The following LRBA variants were observed in gnomAD, a reference collection of about 807,000 sequenced individuals.
The protein encoded by LRBA is lipopolysaccharide-responsive and beige-like anchor protein.
Under a neutral mutation model 330.0 loss-of-function variants are expected in LRBA, and 176 were observed. That is an observed-to-expected ratio of 0.53 (90% CI 0.47 to 0.60). LRBA has a LOEUF of 0.60. LRBA is among the 20% of genes least tolerant of loss of function. The probability of loss-of-function intolerance (pLI) is 0.00; values close to 1 mark genes in which losing one functional copy is unlikely to be tolerated. For missense variants in LRBA, 3,259 were observed against 3,444.8 expected, an observed-to-expected ratio of 0.95 and a Z score of 1.35; for synonymous variants, 1,230 against 1,193.0, an observed-to-expected ratio of 1.03 and a Z score of -0.64.
At chr4:150,701,768 C>A (rs1785146911) in intron 36 of LRBA, among the ~76,000 whole-genome samples, 1 of 152,182 alleles carries the variant, frequency 6.6e-6, no homozygotes, top group Non-Finnish European at 1.5e-5. Flanking sequence ...CATTCTAATA[C>A]TTTGCTATCA....
chr4:150,655,232 C>T (rs1171681394), intron 37 of LRBA, among the ~76,000 whole-genome samples: 1 of 152,158 alleles, frequency 6.6e-6, no homozygotes, highest in Non-Finnish European at 1.5e-5. Context: ...TGCCCCTCCC[C>T]ATTCCTTAAA....
At chr4:150,561,166 A>G (rs1768284280) in intron 40 of LRBA, among the ~76,000 whole-genome samples, 1 of 152,202 alleles carries the variant, frequency 6.6e-6, no homozygotes, top group Non-Finnish European at 1.5e-5. Context: ...AATATGATAA[A>G]TACTAATTTA....
intron 40 of LRBA, among the ~76,000 whole-genome samples, chr4:150,549,948 G>C (rs1766376427): frequency 6.6e-6 from 1 of 152,156 alleles, no homozygotes; most frequent in Non-Finnish European, 1.5e-5. Context: ...CCTGGCCATA[G>C]GTTTCATAGT....
intron 48 of LRBA, among the ~76,000 whole-genome samples, chr4:150,347,984 T>C (rs888146079): frequency 1.3e-5 from 2 of 152,228 alleles, no homozygotes; most frequent in African/African-American, 4.8e-5. Context: ...AAATTTATAT[T>C]AATTAAAATT....
intron 34 of LRBA, among the ~76,000 whole-genome samples, chr4:150,782,720 A>G (rs1332429109): frequency 6.6e-6 from 1 of 152,196 alleles, no homozygotes; most frequent in Admixed American, 6.5e-5. Context: ...TTTTCCAAAT[A>G]AACTAACATT....
chr4:150,667,322 T>C (rs1157466899), intron 37 of LRBA, among the ~76,000 whole-genome samples: 2 of 151,966 alleles, frequency 1.3e-5, no homozygotes, highest in South Asian at 2.1e-4. Flanking sequence ...AGCATCCTTA[T>C]AAGAGGGAGG....
intron 33 of LRBA, among the ~76,000 whole-genome samples, chr4:150,803,770 G>T (rs1318377431): frequency 6.6e-6 from 1 of 152,046 alleles, no homozygotes; most frequent in Non-Finnish European, 1.5e-5. Context: ...CATCATCAAT[G>T]AATAGGCACT....
intron 2 of LRBA, among the ~76,000 whole-genome samples, chr4:150,974,541 C>A (rs1415812793): frequency 6.6e-6 from 1 of 152,120 alleles, no homozygotes. Context: ...TTTAGTTGTA[C>A]AACTAAACAA....
intron 37 of LRBA, among the ~76,000 whole-genome samples, chr4:150,622,913 G>A (rs1456893844): frequency 6.6e-6 from 1 of 152,024 alleles, no homozygotes; most frequent in Non-Finnish European, 1.5e-5. Context: ...TAGCCAGGAT[G>A]GTCTCGATCT....
chr4:150,428,200 T>C (rs1581277104), intron 46 of LRBA, among the ~76,000 whole-genome samples: 2 of 152,094 alleles, frequency 1.3e-5, no homozygotes, highest in East Asian at 3.8e-4. Flanking sequence ...TTGCATTCTA[T>C]TTACTTAACT....
intron 31 of LRBA, among the ~76,000 whole-genome samples, chr4:150,811,177 T>A (rs544890724): frequency 6.6e-6 from 1 of 152,352 alleles, no homozygotes; most frequent in South Asian, 2.1e-4. Context: ...AACTATATGA[T>A]CACTGAATCA....
intron 2 of LRBA, among the ~76,000 whole-genome samples, chr4:150,950,297 T>C (rs1237357045): frequency 6.6e-6 from 1 of 152,144 alleles, no homozygotes; most frequent in African/African-American, 2.4e-5. Context: ...TCATAGGATA[T>C]GAAAGAGATA....
chr4:150,565,410 G>C (rs886324552), intron 40 of LRBA, among the ~76,000 whole-genome samples: 2 of 152,080 alleles, frequency 1.3e-5, no homozygotes, highest in African/African-American at 4.8e-5. Context: ...TTAAAACCTA[G>C]GTGATGGGTT....
intron 40 of LRBA, among the ~76,000 whole-genome samples, chr4:150,519,237 T>A (rs1467624930): frequency 6.6e-6 from 1 of 152,064 alleles, no homozygotes; most frequent in African/African-American, 2.4e-5. Flanking sequence ...GTATAGAAAA[T>A]ACTTGGTAAA....
intron 36 of LRBA, among the ~76,000 whole-genome samples, chr4:150,716,009 G>A (rs1393110795): frequency 3.9e-5 from 6 of 152,072 alleles, no homozygotes; most frequent in African/African-American, 9.7e-5. Context: ...TCTGACTTTC[G>A]TTTAGGAAAT....
At chr4:150,627,886 T>C (rs955561469) in intron 37 of LRBA, among the ~76,000 whole-genome samples, 6 of 152,094 alleles carry the variant, frequency 3.9e-5, no homozygotes, top group Non-Finnish European at 8.8e-5. Context: ...CTCTTTGAAG[T>C]CAACTTTTCA....
chr4:150,617,189 C>T (rs1775848134), intron 37 of LRBA, among the ~76,000 whole-genome samples: 1 of 152,144 alleles, frequency 6.6e-6, no homozygotes, highest in Admixed American at 6.5e-5. Flanking sequence ...AGCAGCAATA[C>T]TATCTATGTT....
intron 47 of LRBA, among the ~76,000 whole-genome samples, chr4:150,376,337 T>C (rs761880322): frequency 6.6e-6 from 1 of 152,146 alleles, no homozygotes; most frequent in Non-Finnish European, 1.5e-5. Context: ...CACTCAGCAG[T>C]GATGAATAAA....
At chr4:150,580,833 G>A (rs1771222475) in intron 40 of LRBA, 1 of 152,390 alleles carries the variant, frequency 6.6e-6, no homozygotes, top group Admixed American at 6.5e-5. Context: ...TCATTGAAAT[G>A]CCTAGGGAGG....
Sources: gnomAD v4.1 joint callset for allele counts (sites outside exome capture counted in the v4.1 genomes callset) on GRCh38, gnomAD v4.1.1 for gene constraint, MANE v1.5 for transcripts, NCBI Gene and HGNC (gene_info 2026-07-23, HGNC 2026-07-21) for gene names.